Variants in VPS13C observed in about 807,000 individuals in gnomAD.
VPS13C encodes the protein intermembrane lipid transfer protein VPS13C.
Under a neutral mutation model 456.8 loss-of-function variants are expected in VPS13C, and 358 were observed. That is an observed-to-expected ratio of 0.78 (90% CI 0.72 to 0.86). The LOEUF (loss-of-function observed/expected upper bound fraction) is 0.86, where lower values mean the gene tolerates loss of function less well. Among genes scored for constraint, VPS13C ranks in the 40% least tolerant of loss-of-function variants. The pLI, the probability that VPS13C is intolerant of heterozygous loss-of-function variation, is 0.00. For missense variants in VPS13C, 4,818 were observed against 4,385.4 expected, an observed-to-expected ratio of 1.10 and a Z score of -2.79; for synonymous variants, 1,578 against 1,486.7, an observed-to-expected ratio of 1.06 and a Z score of -1.41.
intron 82 of VPS13C, among the ~76,000 whole-genome samples, chr15:61,860,982 G>C (rs975728994): frequency 1.1e-4 from 12 of 107,096 alleles, no homozygotes; most frequent in Admixed American, 2.4e-4. Flanking sequence ...TTTTTTTTGA[G>C]AGACAGTCTT....
intron 44 of VPS13C, 33 bp from the exon 45 acceptor site, chr15:61,945,915 A>C (rs564532213): frequency 6.4e-7 from 1 of 1,567,240 alleles, no homozygotes; most frequent in South Asian, 1.2e-5. Flanking sequence ...TTATTATATC[A>C]AAAGAGCTGT....
chr15:61,875,975 C>G (rs953372055), intron 75 of VPS13C, 130 bp from the exon 76 acceptor site: 2 of 596,584 alleles, frequency 3.4e-6, no homozygotes, highest in Non-Finnish European at 5.7e-6. Flanking sequence ...GAATAATCAC[C>G]ACTACCTCCA....
intron 66 of VPS13C, among the ~76,000 whole-genome samples, chr15:61,898,778 A>G (rs2042909788): frequency 9.6e-6 from 1 of 103,816 alleles, no homozygotes; most frequent in Non-Finnish European, 2.0e-5. Context: ...AGAACTCTCC[A>G]CCCCAAATCA....
rs375378831 is a variant in VPS13C, at chr15:61,897,869, A to T, written c.9106-7469T>A. On this transcript the variant is annotated intron_variant, in intron 66 of 84. Coordinates refer to ENST00000644861, the MANE Select transcript of VPS13C (RefSeq NM_020821.3). ...GCCAGAGAGAAAGGTCGGGTTACCCACAAAGGGAAGCCCATCAGACTAACA... is the reference window on the plus strand; with the variant it reads ...GCCAGAGAGAAAGGTCGGGTTACCCTCAAAGGGAAGCCCATCAGACTAACA... Among the ~76,000 whole-genome samples the T allele has an allele frequency of 2.6e-5, 4 of 152,344 alleles. No individual in the cohort carries two copies. In the East Asian group the frequency reaches 5.8e-4, roughly 22 times the overall value.
At chr15:61,993,038 C>T (rs1347851893) in intron 16 of VPS13C, among the ~76,000 whole-genome samples, 1 of 152,016 alleles carries the variant, frequency 6.6e-6, no homozygotes, top group Non-Finnish European at 1.5e-5. Context: ...GGAAATGACA[C>T]CCAATTAAAT....
chr15:61,885,280 TA>T (rs1456606167), intron 67 of VPS13C, among the ~76,000 whole-genome samples: 2 of 152,108 alleles, frequency 1.3e-5, no homozygotes, highest in African/African-American at 4.8e-5. Flanking sequence ...TGAAATTCAT[TA>T]AAAAACATCA....
intron 59 of VPS13C, 79 bp downstream of exon 59, chr15:61,918,056 TA>T: frequency 7.0e-7 from 1 of 1,426,592 alleles, no homozygotes; most frequent in Non-Finnish European, 9.4e-7. Flanking sequence ...CTTTAGTTAA[TA>T]AAAATATGAA....
chr15:61,867,088 A>G lies in VPS13C; in HGVS notation c.10863+1571T>C. ...TCTCTAAGATAATAAACCCTCTCTA[A>G]GGATTTAAAAGCAAAAGGTTGGTTT... On this transcript the variant is annotated intron_variant, in intron 81 of 84. Coordinates refer to ENST00000644861, the MANE Select transcript of VPS13C (RefSeq NM_020821.3). The surrounding 1 kb of genome is among the most constrained non-coding windows in gnomAD (Gnocchi z 5.0). The G allele has an allele frequency of 1.1e-6, 1 of 946,270 alleles. No individual in the cohort carries two copies. Among genetic ancestry groups the G allele is most frequent in the Non-Finnish European group, 1.3e-6 (1 of 794,120 alleles). 58.6% of individuals were successfully genotyped at this position (946,270 alleles called of 1,614,324 possible). A position where few individuals can be genotyped will look rare whatever the true frequency, so the allele number is the denominator to read the frequency against.
intron 16 of VPS13C, among the ~76,000 whole-genome samples, chr15:61,993,870 T>C (rs76415178): frequency 0.012 from 1,771 of 152,276 alleles, 43 homozygotes; most frequent in African/African-American, 0.041. Flanking sequence ...ATTATGTAGA[T>C]GTAAGCACTG....
chr15:61,949,663 G>A (rs1305026062), intron 41 of VPS13C, 58 bp from the exon 42 acceptor site: 4 of 1,520,914 alleles, frequency 2.6e-6, no homozygotes, highest in Non-Finnish European at 3.5e-6. Flanking sequence ...CTTTACATCA[G>A]GGTTCAACAG....
intron 66 of VPS13C, among the ~76,000 whole-genome samples, chr15:61,905,575 C>A (rs549402141): frequency 6.6e-6 from 1 of 151,988 alleles, no homozygotes; most frequent in Non-Finnish European, 1.5e-5. Flanking sequence ...AAATTCCTAT[C>A]GTAAGAATTA....
intron 67 of VPS13C, among the ~76,000 whole-genome samples, chr15:61,888,111 A>G (rs1896398673): frequency 6.6e-6 from 1 of 152,208 alleles, no homozygotes; most frequent in Non-Finnish European, 1.5e-5. Context: ...AACATCATGT[A>G]TCATCAGAAA....
intron 6 of VPS13C, among the ~76,000 whole-genome samples, chr15:62,025,082 T>A (rs2047589795): frequency 6.6e-6 from 1 of 152,080 alleles, no homozygotes; most frequent in Non-Finnish European, 1.5e-5. Flanking sequence ...GGAGACTTCA[T>A]TAGGTCAGAG....
At chr15:61,884,845 T>G (rs1896152959) in intron 67 of VPS13C, among the ~76,000 whole-genome samples, 2 of 152,132 alleles carry the variant, frequency 1.3e-5, no homozygotes, top group African/African-American at 4.8e-5. Context: ...TATTGGTCAA[T>G]GAGAATTTAT....
intron 9 of VPS13C, among the ~76,000 whole-genome samples, chr15:62,017,131 G>A (rs1428068324): frequency 6.6e-6 from 1 of 151,814 alleles, no homozygotes; most frequent in African/African-American, 2.4e-5. Flanking sequence ...CTTGTTGATG[G>A]GGTTGTTTTT....
At chr15:62,029,212 T>C (rs2047732689) in intron 5 of VPS13C, among the ~76,000 whole-genome samples, 1 of 152,114 alleles carries the variant, frequency 6.6e-6, no homozygotes, top group Non-Finnish European at 1.5e-5. Context: ...ATAGCACCTA[T>C]ATCAAATGTG....
chr15:61,917,378 C>A lies in VPS13C; in HGVS notation c.8018G>T (p.Arg2673Leu). ...TCTTAGGGAATATGGGAGAAGATTC[C>A]GCAAAGTGAGAGAAGGATAAAGATG... Reference protein sequence around the residue: ...IIHLYPSLTLRNLLPYSLRYL... With the variant: ...IIHLYPSLTLLNLLPYSLRYL... Residue 2673 changes from arginine (R) to leucine (L), a missense_variant, in exon 60 of 85, where the codon CGG (arginine) becomes CTG (leucine). Arg to Leu is a moderately radical substitution (Grantham distance 102). This residue lies in a region of VPS13C where 4,552 missense variants were observed against 4,130.6 expected (regional missense o/e 1.10). Coordinates refer to ENST00000644861, the MANE Select transcript of VPS13C (RefSeq NM_020821.3). The A allele has an allele frequency of 2.5e-6, 4 of 1,613,692 alleles. No individual in the cohort carries two copies. The South Asian group carries it at 4.4e-5, about 18-fold the overall frequency.
At chr15:61,856,687 CTT>C (rs542779595) in intron 82 of VPS13C, 35,013 of 114,884 alleles carry the variant, frequency 0.3, 1,694 homozygotes, top group Admixed American at 0.38. Context: ...TTTTTCTTTT[CTT>C]TTTTTTTTTT....
intron 81 of VPS13C, chr15:61,866,132 C>A: frequency 1.0e-6 from 1 of 984,876 alleles, no homozygotes; most frequent in African/African-American, 1.7e-5. Flanking sequence ...CTGATCACAG[C>A]AAGATGGGCA....
Sources: allele counts gnomAD v4.1 joint callset (sites outside exome capture counted in the v4.1 genomes callset), GRCh38; gene constraint gnomAD v4.1.1; regional missense constraint gnomAD v4.1.1; non-coding constraint Gnocchi (gnomAD v3.1); transcripts MANE v1.5; gene names NCBI Gene and HGNC (gene_info 2026-07-23, HGNC 2026-07-21).